Variants in USP53 observed in about 807,000 individuals in gnomAD.
USP53 encodes ubiquitin carboxyl-terminal hydrolase 53.
Under a neutral mutation model 94.9 loss-of-function variants are expected in USP53, and 71 were observed. That is an observed-to-expected ratio of 0.75 (90% CI 0.62 to 0.91). The LOEUF (loss-of-function observed/expected upper bound fraction) is 0.91, where lower values mean the gene tolerates loss of function less well. Ranked by LOEUF, USP53 falls within the 40% of genes least tolerant of loss-of-function variation. The pLI, the probability that USP53 is intolerant of heterozygous loss-of-function variation, is 0.00. For missense variants in USP53, 1,173 were observed against 1,281.0 expected (o/e 0.92, Z 1.29); for synonymous variants, 375 against 422.7 (o/e 0.89, Z 1.39).
chr4:119,238,416 C>G (rs1261978116), intron 4 of USP53, among the ~76,000 whole-genome samples: 5 of 152,158 alleles, frequency 3.3e-5, no homozygotes, highest in Non-Finnish European at 7.3e-5. Context: ...TACACACATT[C>G]ATGGATTATG....
intron 1 of USP53, chr4:119,213,089 G>C (rs1331468085): frequency 6.5e-6 from 1 of 153,308 alleles, no homozygotes; most frequent in Non-Finnish European, 1.5e-5. Context: ...TTCTCGCCGC[G>C]TCTGGCGGAG....
chr4:119,242,349 T>C (rs376061832), intron 5 of USP53, among the ~76,000 whole-genome samples: 10 of 152,208 alleles, frequency 6.6e-5, no homozygotes, highest in African/African-American at 2.4e-4. Context: ...TTTTAAACTT[T>C]GTTAGGCGGG....
chr4:119,256,460 G>C lies in USP53; in HGVS notation c.506G>C (p.Gly169Ala), dbSNP rs1749781605. 1 of 1,614,056 alleles carries C rather than the reference G, an allele frequency of 6.2e-7. No individual in the cohort carries two copies. The highest frequency in any genetic ancestry group is 1.3e-5 in the African/African-American group (1 of 75,028). The change falls in exon 9 of 19, where the codon GGA becomes GCA. Residue 169 changes from glycine (G) to alanine (A), a missense_variant. Transcript: ENST00000692078. ...ATATAGTGTGTGTGTCGTAGCTGTG[G>C]AGCATCGTCAGATCCTCTACCTTTT... The part of the protein sequence containing the change: ...LYEQCVCRSC[G>A]ASSDPLPFTE...
intron 3 of USP53, among the ~76,000 whole-genome samples, chr4:119,223,639 C>T (rs1744845437): frequency 6.6e-6 from 1 of 152,178 alleles, no homozygotes; most frequent in Admixed American, 6.5e-5. Context: ...TGATGTGCTT[C>T]TAGAATCTTT....
intron 7 of USP53, 125 bp from the exon 8 acceptor site, chr4:119,256,121 A>G (rs1749734400): frequency 3.1e-6 from 2 of 648,442 alleles, no homozygotes; most frequent in African/African-American, 3.6e-5. Context: ...AGGAAAGCTG[A>G]AAAGCTAACA....
Position 119,214,118 on chromosome 4 carries a change from A to AT in USP53, c.-891dup, listed in dbSNP as rs1229891700. ...AGACCCTTCGTCCTGTTAAAGATAA[A>AT]TTAAAAAAAAAAAAAAAAAACCAAA... On this transcript the variant is annotated 5_prime_UTR_variant, in exon 2 of 19. Coordinates refer to ENST00000692078, the MANE Select transcript of USP53 (RefSeq NM_001371395.1). The AT allele has an allele frequency of 4.5e-5, 6 of 131,906 alleles. No individual in the cohort carries two copies. Among genetic ancestry groups the AT allele is most frequent in the South Asian group, 4.8e-4 (2 of 4,168 alleles). 8.2% of individuals were successfully genotyped at this position (131,906 alleles called of 1,614,324 possible).
chr4:119,250,547 A>G (rs1406641019), intron 7 of USP53, among the ~76,000 whole-genome samples: 3 of 152,220 alleles, frequency 2.0e-5, no homozygotes, highest in African/African-American at 7.2e-5. Flanking sequence ...TTTTGCTTAA[A>G]ACAAATATAT....
chr4:119,280,690 A>G (rs1164647234), intron 17 of USP53, among the ~76,000 whole-genome samples: 2 of 152,198 alleles, frequency 1.3e-5, no homozygotes, highest in African/African-American at 2.4e-5. Context: ...AGATTATGCA[A>G]TGGTAGTATC....
Position 119,293,523 on chromosome 4 carries a change from G to T in USP53, c.*312G>T. 4.8e-6 allele frequency: 1 copy of T among 206,212 alleles called. No homozygotes were observed. The highest frequency in any genetic ancestry group is 9.6e-6 in the Non-Finnish European group (1 of 104,276). 12.8% of individuals were successfully genotyped at this position (206,212 alleles called of 1,614,324 possible). A position where few individuals can be genotyped will look rare whatever the true frequency, so the allele number is the denominator to read the frequency against. ...TCCCTTTGAATAGTCTTGGCGTGCC[G>T]TGAAAAATAGAAAATCAGGGAGATA... is the stretch of plus-strand genomic sequence containing the variant. On this transcript the variant is annotated 3_prime_UTR_variant, in exon 19 of 19. Transcript: ENST00000692078.
In USP53 at chr4:119,256,334, A is replaced by G. The variant is rs61736682; in HGVS notation, c.461A>G (p.Lys154Arg). ...CTSKSCITHQ[K>R]FAMTLYEQCV... Reference sequence around the variant, plus strand: ...TCTAAATCTTGTATCACTCACCAGAAGTTTGCTATGACTCTGTATGAACAG... The same window carrying G: ...TCTAAATCTTGTATCACTCACCAGAGGTTTGCTATGACTCTGTATGAACAG... The change falls in exon 8 of 19, where the codon AAG becomes AGG. Residue 154 changes from lysine (K) to arginine (R), a missense_variant. Physicochemically the swap from Lys to Arg is conservative, Grantham distance 26. Coordinates refer to ENST00000692078, the MANE Select transcript of USP53 (RefSeq NM_001371395.1). 2,918 of 1,613,978 alleles carry G rather than the reference A, an allele frequency of 1.8e-3. 18 individuals carry two copies. The highest frequency in any genetic ancestry group is 7.5e-3 in the South Asian group (683 of 91,074).
Position 119,293,224 on chromosome 4 carries a change from C to G in USP53, c.*13C>G, listed in dbSNP as rs1174768020. 1 of 1,566,928 alleles carries G rather than the reference C, an allele frequency of 6.4e-7. No individual in the cohort carries two copies. The highest frequency in any genetic ancestry group is 1.9e-5 in the Admixed American group (1 of 53,584). Reference sequence around the variant, plus strand: ...TTCACTATCTTAGAGTGAAAAAGGACTAGACCTGTGTTACATAATAATCTT... The same window carrying G: ...TTCACTATCTTAGAGTGAAAAAGGAGTAGACCTGTGTTACATAATAATCTT... On this transcript the variant is annotated 3_prime_UTR_variant, in exon 19 of 19. Transcript: ENST00000692078.
chr4:119,225,069 A>G (rs531437373), intron 3 of USP53, among the ~76,000 whole-genome samples: 2 of 152,326 alleles, frequency 1.3e-5, no homozygotes, highest in Non-Finnish European at 2.9e-5. Flanking sequence ...AGACTGATCA[A>G]TAAAAGAGAA....
At chr4:119,250,815 A>G (rs1748877612) in intron 7 of USP53, among the ~76,000 whole-genome samples, 1 of 152,194 alleles carries the variant, frequency 6.6e-6, no homozygotes, top group South Asian at 2.1e-4. Context: ...AATTCACTGC[A>G]GATTGCATTG....
Position 119,291,169 on chromosome 4 carries a change from T to TTG in USP53, c.2256_2257insTG (p.Arg753Ter). On this transcript the variant is annotated frameshift_variant, in exon 18 of 19. Coordinates refer to ENST00000692078, the MANE Select transcript of USP53 (RefSeq NM_001371395.1). LOFTEE classifies it high-confidence loss of function. Reference sequence around the variant, plus strand: ...CCCCACCCCACCCAACCCTAGGCTTTAGAAAAGAACTCAGGAATTTGGAAG... The same window carrying TTG: ...CCCCACCCCACCCAACCCTAGGCTTTTGAGAAAAGAACTCAGGAATTTGGAAG... 1 of 1,539,396 alleles carries TTG rather than the reference T, an allele frequency of 6.5e-7. No individual in the cohort carries two copies. The highest frequency in any genetic ancestry group is 8.8e-7 in the Non-Finnish European group (1 of 1,135,034).
At chr4:119,218,489 G>C (rs1030965616) in intron 3 of USP53, 1 of 152,076 alleles carries the variant, frequency 6.6e-6, no homozygotes, top group African/African-American at 2.4e-5. Context: ...CAAAGAAATA[G>C]AGCAAAAAAG....
At chr4:119,273,569 T>TC in intron 16 of USP53, 63 bp from the exon 17 acceptor site, 1 of 1,308,848 alleles carries the variant, frequency 7.6e-7, no homozygotes, top group Non-Finnish European at 1.1e-6. Flanking sequence ...TGTTGTTTTT[T>TC]TTTAGACTAA....
At chr4:119,283,195 A>G (rs1753704592) in intron 17 of USP53, among the ~76,000 whole-genome samples, 1 of 151,876 alleles carries the variant, frequency 6.6e-6, no homozygotes, top group Admixed American at 6.6e-5. Flanking sequence ...TTTAAAATGG[A>G]ATTGTAGTGG....
intron 7 of USP53, among the ~76,000 whole-genome samples, chr4:119,254,801 A>C (rs1272917655): frequency 6.6e-6 from 1 of 152,152 alleles, no homozygotes; most frequent in Non-Finnish European, 1.5e-5. Flanking sequence ...GAGAAGAGAC[A>C]TTCTGGTTTT....
intron 3 of USP53, among the ~76,000 whole-genome samples, chr4:119,223,757 T>G (rs1281209243): frequency 6.6e-6 from 1 of 152,186 alleles, no homozygotes; most frequent in Non-Finnish European, 1.5e-5. Context: ...CTTTAAGGTA[T>G]ATAATTCCTA....
Sources: allele counts gnomAD v4.1 joint callset (sites outside exome capture counted in the v4.1 genomes callset), GRCh38; gene constraint gnomAD v4.1.1; transcripts MANE v1.5; gene names NCBI Gene and HGNC (gene_info 2026-07-23, HGNC 2026-07-21).